The following NDUFB1 variants were observed in gnomAD, a reference collection of about 807,000 sequenced individuals.
The protein encoded by NDUFB1 is NADH dehydrogenase [ubiquinone] 1 beta subcomplex subunit 1.
A neutral mutation model predicts 6.7 loss-of-function variants in NDUFB1; 6 were observed. The observed-to-expected ratio is 0.89, with a 90% CI of 0.49 to 1.76. The LOEUF (loss-of-function observed/expected upper bound fraction) is 1.76, where lower values mean the gene tolerates loss of function less well. Ranked by LOEUF, NDUFB1 falls within the 40% of genes most tolerant of loss-of-function variation. The pLI is 0.01. For missense variants in NDUFB1, 56 were observed against 71.0 expected, an observed-to-expected ratio of 0.79 and a Z score of 0.76; for synonymous variants, 17 against 22.9, an observed-to-expected ratio of 0.74 and a Z score of 0.74.
At chr14:92,121,464 C>T in intron 1 of NDUFB1, 178 bp downstream of exon 1, 3 of 921,216 alleles carry the variant, frequency 3.3e-6, no homozygotes, top group East Asian at 2.6e-5. Flanking sequence ...GCCCGGAAAT[C>T]CCATCCTCCA....
intron 1 of NDUFB1, chr14:92,121,217 C>A: frequency 4.3e-6 from 1 of 234,244 alleles, no homozygotes. Flanking sequence ...GCAACGGTGT[C>A]GGCTCAAGAG....
intron 2 of NDUFB1, among the ~76,000 whole-genome samples, chr14:92,116,692 A>G (rs1176476258): frequency 1.3e-5 from 2 of 152,158 alleles, no homozygotes; most frequent in African/African-American, 2.4e-5. Flanking sequence ...TAGATTCATC[A>G]TATGTATTCT....
intron 1 of NDUFB1, chr14:92,121,302 C>A: frequency 2.3e-6 from 1 of 435,612 alleles, no homozygotes; most frequent in South Asian, 2.7e-5. Flanking sequence ...AAGCTGCTCG[C>A]GGAGGGGAGG....
intron 1 of NDUFB1, among the ~76,000 whole-genome samples, chr14:92,120,848 G>A (rs1025921135): frequency 2.7e-5 from 4 of 149,890 alleles, no homozygotes; most frequent in African/African-American, 9.8e-5. Context: ...CACTAAGCCT[G>A]GCCATACTTT....
rs560658795 is a variant in NDUFB1 at position 92,120,586 on chromosome 14, G to A, written c.-6+1056C>T. Among the ~76,000 whole-genome samples the A allele has an allele frequency of 1.8e-3, 278 of 151,562 alleles. 1 individual carries two copies. The highest frequency in any genetic ancestry group is 2.6e-3 in the Non-Finnish European group (174 of 67,842). ...GCTGGTCTTGAATTCCCAACCTCAGGTGGTCCGCCCGCCTAGGCCTCCCAA... is the reference window on the plus strand; with the variant it reads ...GCTGGTCTTGAATTCCCAACCTCAGATGGTCCGCCCGCCTAGGCCTCCCAA... On this transcript the variant is annotated intron_variant, in intron 1 of 2. Transcript: ENST00000605997.
chr14:92,118,308 A>C (rs1017892662), intron 1 of NDUFB1: 2 of 152,258 alleles, frequency 1.3e-5, no homozygotes, highest in East Asian at 1.9e-4. Context: ...GTTGTTTTGG[A>C]ACTTTTTTTT....
At chr14:92,121,347 C>T in intron 1 of NDUFB1, 2 of 509,204 alleles carry the variant, frequency 3.9e-6, no homozygotes, top group Non-Finnish European at 7.1e-6. Flanking sequence ...GGCGTGGGAT[C>T]CGGGCCGGTC....
chr14:92,119,792 C>G (rs1333870876), intron 1 of NDUFB1, among the ~76,000 whole-genome samples: 1 of 150,520 alleles, frequency 6.6e-6, no homozygotes, highest in Non-Finnish European at 1.5e-5. Flanking sequence ...TAAATAGTCT[C>G]GCTCTGTCAC....
chr14:92,116,331 C>CT (rs35571568), intron 2 of NDUFB1, 102 bp from the exon 3 acceptor site: 27,988 of 493,946 alleles, frequency 0.057, 115 homozygotes, highest in Admixed American at 0.07. Flanking sequence ...ATTTCATTTT[C>CT]TTTTTTTTTT....
chr14:92,117,815 T>C (rs1326667334), intron 1 of NDUFB1, 173 bp from the exon 2 acceptor site: 7 of 626,426 alleles, frequency 1.1e-5, no homozygotes, highest in African/African-American at 1.9e-5. Flanking sequence ...CTGGCCAACA[T>C]GGCAAAACCC....
At chr14:92,116,906 A>C (rs75106051) in intron 2 of NDUFB1, among the ~76,000 whole-genome samples, 56 of 152,254 alleles carry the variant, frequency 3.7e-4, no homozygotes, top group Non-Finnish European at 7.6e-4. Flanking sequence ...CTCCATACCC[A>C]CTGTGGATGC....
At chr14:92,121,526 G>A (rs2068763674) in intron 1 of NDUFB1, 116 bp downstream of exon 1, 6 of 1,460,838 alleles carry the variant, frequency 4.1e-6, no homozygotes, top group South Asian at 3.5e-5. Flanking sequence ...GGAAGCCCCG[G>A]GGAAGCCCAG....
intron 2 of NDUFB1, among the ~76,000 whole-genome samples, chr14:92,116,489 A>T (rs1281553926): frequency 6.6e-6 from 1 of 151,308 alleles, no homozygotes; most frequent in African/African-American, 2.4e-5. Context: ...GTGTGCCACC[A>T]CACCGAGCTA....
chr14:92,121,276 G>C (rs1296943214), intron 1 of NDUFB1: 1 of 361,652 alleles, frequency 2.8e-6, no homozygotes, highest in Non-Finnish European at 5.1e-6. Context: ...CAGAAGGCTG[G>C]AACTTGGACG....
Position 92,116,149 on chromosome 14 carries a change from T to C in NDUFB1, c.*44A>G. ...TTCAGATTCTTCATGTTTTTATTTC[T>C]CTCAGAACTTTAAAATGTGAACATT... On this transcript the variant is annotated 3_prime_UTR_variant, in exon 3 of 3. Transcript: ENST00000605997. 1 of 1,547,970 alleles carries C rather than the reference T, an allele frequency of 6.5e-7. No homozygotes were observed. Among genetic ancestry groups the C allele is most frequent in the Non-Finnish European group, 8.9e-7 (1 of 1,120,420 alleles).
intron 1 of NDUFB1, among the ~76,000 whole-genome samples, chr14:92,120,179 C>T (rs1438453180): frequency 2.0e-5 from 3 of 152,080 alleles, no homozygotes; most frequent in Admixed American, 1.3e-4. Flanking sequence ...TTGGACTAAA[C>T]TAATAAATCA....
At chr14:92,120,171 G>A (rs1212335138) in intron 1 of NDUFB1, among the ~76,000 whole-genome samples, 3 of 152,020 alleles carry the variant, frequency 2.0e-5, no homozygotes, top group African/African-American at 7.2e-5. Flanking sequence ...GTGTGCGTTT[G>A]GACTAAACTA....
chr14:92,119,830 T>C (rs1456252187), intron 1 of NDUFB1, among the ~76,000 whole-genome samples: 1 of 152,018 alleles, frequency 6.6e-6, no homozygotes, highest in Non-Finnish European at 1.5e-5. Context: ...GGAGTTATAA[T>C]AGTCCACTGC....
chr14:92,121,032 G>A (rs2068757238), intron 1 of NDUFB1, among the ~76,000 whole-genome samples: 2 of 151,950 alleles, frequency 1.3e-5, no homozygotes, highest in South Asian at 4.1e-4. Context: ...TGTGGTGGCG[G>A]GCGCCTGTAA....
Sources: allele counts gnomAD v4.1 joint callset (sites outside exome capture counted in the v4.1 genomes callset), GRCh38; gene constraint gnomAD v4.1.1; transcripts MANE v1.5; gene names NCBI Gene and HGNC (gene_info 2026-07-23, HGNC 2026-07-21).